The following CWC22 variants were observed in gnomAD, a reference collection of about 807,000 sequenced individuals.
The protein encoded by CWC22 is pre-mRNA-splicing factor CWC22 homolog.
A neutral mutation model predicts 117.2 loss-of-function variants in CWC22; 53 were observed. The observed-to-expected ratio is 0.45, with a 90% CI of 0.36 to 0.57. The LOEUF (loss-of-function observed/expected upper bound fraction) is 0.57. Among genes scored for constraint, CWC22 ranks in the 20% least tolerant of loss-of-function variants. The pLI, the probability that CWC22 is intolerant of heterozygous loss-of-function variation, is 0.00. For missense variants in CWC22, 980 were observed against 1,068.8 expected, an observed-to-expected ratio of 0.92 and a Z score of 1.16; for synonymous variants, 360 against 355.6, an observed-to-expected ratio of 1.01 and a Z score of -0.14.
chr2:179,951,058 AT>A (rs1478160332), intron 17 of CWC22, 132 bp from the exon 18 acceptor site: 2 of 608,184 alleles, frequency 3.3e-6, no homozygotes, highest in African/African-American at 3.7e-5. Context: ...AGTTGATGTC[AT>A]TTATTAGGTT....
In CWC22 at chr2:179,950,723, C is replaced by T; in HGVS notation, c.1929G>A (p.Leu643=). 1 of 1,612,916 alleles carries T rather than the reference C, an allele frequency of 6.2e-7. No individual in the cohort carries two copies. The highest frequency in any genetic ancestry group is 8.5e-7 in the Non-Finnish European group (1 of 1,179,104). ...TTGGTGTATTTTTGAGATGCTCCCG[C>T]AGTTCATCCCTAATTTAAAATATAA... ...SIGLGGLTDE[L]REHLKNTPKV... Residue 643 remains leucine, a synonymous_variant, in exon 19 of 20, where the codon CTG becomes CTA. Transcript: ENST00000410053.
chr2:179,968,142 C>G (rs1237424932), intron 11 of CWC22, among the ~76,000 whole-genome samples: 2 of 152,104 alleles, frequency 1.3e-5, no homozygotes, highest in Admixed American at 6.6e-5. Flanking sequence ...ATGTGCATAA[C>G]TCAGCGAATT....
chr2:179,968,081 A>G (rs1686937233), intron 11 of CWC22, among the ~76,000 whole-genome samples: 1 of 152,224 alleles, frequency 6.6e-6, no homozygotes, highest in Non-Finnish European at 1.5e-5. Context: ...TCTAGGTATT[A>G]TATCAACATG....
chr2:179,997,061 T>A (rs1428319859), intron 1 of CWC22, among the ~76,000 whole-genome samples: 1 of 152,144 alleles, frequency 6.6e-6, no homozygotes, highest in East Asian at 1.9e-4. Context: ...CTGTAAATGA[T>A]AACTTTCTCA....
intron 14 of CWC22, 44 bp downstream of exon 14, chr2:179,958,978 A>T (rs1270451265): frequency 1.6e-6 from 2 of 1,243,292 alleles, no homozygotes; most frequent in Non-Finnish European, 2.3e-6. Flanking sequence ...AAACATTTTT[A>T]AAACCAATAT....
intron 1 of CWC22, among the ~76,000 whole-genome samples, chr2:180,004,826 C>T (rs1343082147): frequency 6.6e-6 from 1 of 151,706 alleles, no homozygotes; most frequent in African/African-American, 2.4e-5. Flanking sequence ...ATTGGAGGTA[C>T]CCTATCCAAA....
chr2:179,981,832 A>C lies in CWC22; in HGVS notation c.372T>G (p.Pro124=), dbSNP rs1687294555. ...ATKKKKDELD[P]LLTRTGGAYI... ...ATGCTCCACCAGTGCGAGTAAGAAG[A>C]GGATCCAGCTCATCTTTCTTTTTCT... The change falls in exon 5 of 20, where the codon CCT becomes CCG. Residue 124 remains proline, a synonymous_variant. Coordinates refer to ENST00000410053, the MANE Select transcript of CWC22 (RefSeq NM_020943.3). The C allele has an allele frequency of 6.2e-7, 1 of 1,613,792 alleles. No homozygotes were observed. Among genetic ancestry groups the C allele is most frequent in the Admixed American group, 1.7e-5 (1 of 59,994 alleles).
intron 1 of CWC22, among the ~76,000 whole-genome samples, chr2:180,004,447 A>G (rs929150230): frequency 6.6e-6 from 1 of 151,720 alleles, no homozygotes; most frequent in Non-Finnish European, 1.5e-5. Flanking sequence ...GCTGGAGTGC[A>G]GTGGAGAGAG....
chr2:179,961,868 A>C (rs1426837259), intron 13 of CWC22, among the ~76,000 whole-genome samples: 2 of 152,128 alleles, frequency 1.3e-5, no homozygotes, highest in Non-Finnish European at 2.9e-5. Context: ...TTGCTAAACC[A>C]AATGAGTTTC....
chr2:179,985,873 T>A (rs528494340), intron 4 of CWC22, among the ~76,000 whole-genome samples: 9 of 152,068 alleles, frequency 5.9e-5, no homozygotes, highest in Admixed American at 2.0e-4. Context: ...CCCACTGGGG[T>A]CCTAGAACAC....
Position 179,965,903 on chromosome 2 carries a change from C to A in CWC22, c.1290G>T (p.Glu430Asp). 10 of 1,574,680 alleles carry A rather than the reference C, an allele frequency of 6.4e-6. No individual in the cohort carries two copies. Among genetic ancestry groups the A allele is most frequent in the Non-Finnish European group, 8.7e-6 (10 of 1,144,426 alleles). ...GSSEEDEEEE[E>D]EEGEEDEEGQ... ...CTTCTTCATCTTCTTCTCCCTCTTC[C>A]TCTTCTTCTTCCTCGTCCTCTTCAC... is the stretch of plus-strand genomic sequence containing the variant. The change falls in exon 12 of 20, where the codon GAG (glutamate) becomes GAT (aspartate). Residue 430 changes from glutamate (E) to aspartate (D), a missense_variant. Coordinates refer to ENST00000410053, the MANE Select transcript of CWC22 (RefSeq NM_020943.3).
At chr2:179,973,579 T>C in intron 7 of CWC22, 55 bp downstream of exon 7, 1 of 1,133,800 alleles carries the variant, frequency 8.8e-7, no homozygotes. Context: ...TTGTTGATAC[T>C]GGTTTGTTAG....
rs1050691097 is a variant in CWC22 at position 179,945,213 on chromosome 2, T to C, written c.2643A>G (p.Lys881=). The part of the protein sequence containing the change: ...YQNGAERRWE[K]SSRYSEQSRE... The stretch of plus-strand genomic sequence containing the variant: ...TGGATTGTTCAGAGTATCTGCTAGA[T>C]TTTTCCCATCGTCTCTCGGCACCAT... The change falls in exon 20 of 20, where the codon AAA becomes AAG. Residue 881 remains lysine (K), a synonymous_variant. Coordinates refer to ENST00000410053, the MANE Select transcript of CWC22 (RefSeq NM_020943.3). The C allele has an allele frequency of 6.2e-7, 1 of 1,613,740 alleles. No homozygotes were observed. The highest frequency in any genetic ancestry group is 1.3e-5 in the African/African-American group (1 of 74,928).
intron 3 of CWC22, 54 bp downstream of exon 3, chr2:179,988,523 A>G (rs1575655355): frequency 2.1e-6 from 2 of 953,836 alleles, no homozygotes; most frequent in Admixed American, 2.6e-5. Context: ...AAATTATTAC[A>G]TAAACCTTAC....
intron 1 of CWC22, among the ~76,000 whole-genome samples, chr2:179,995,559 C>T (rs935746625): frequency 6.6e-6 from 1 of 152,138 alleles, no homozygotes; most frequent in Non-Finnish European, 1.5e-5. Context: ...TTATGTAGCA[C>T]TTCTGAACAA....
At chr2:179,959,171 A>G (rs1686681672) in intron 13 of CWC22, 89 bp from the exon 14 acceptor site, 1 of 804,544 alleles carries the variant, frequency 1.2e-6, no homozygotes, top group African/African-American at 1.7e-5. Flanking sequence ...ATGGTTTTAA[A>G]TCATCTTTTT....
At chr2:180,004,816 A>C (rs1376129294) in intron 1 of CWC22, among the ~76,000 whole-genome samples, 1 of 151,938 alleles carries the variant, frequency 6.6e-6, no homozygotes, top group African/African-American at 2.4e-5. Flanking sequence ...CCAAAAAGTG[A>C]TTGGAGGTAC....
At chr2:179,975,037 G>A (rs1413645295) in intron 6 of CWC22, among the ~76,000 whole-genome samples, 1 of 152,138 alleles carries the variant, frequency 6.6e-6, no homozygotes, top group Non-Finnish European at 1.5e-5. Flanking sequence ...TACAGCGACC[G>A]TGCCTGGCCA....
intron 14 of CWC22, among the ~76,000 whole-genome samples, chr2:179,957,114 CTTAA>C (rs1323548245): frequency 6.6e-6 from 1 of 152,014 alleles, no homozygotes; most frequent in African/African-American, 2.4e-5. Flanking sequence ...TTTATGATGG[CTTAA>C]TTATCTTCCT....
Sources: gnomAD v4.1 joint callset for allele counts (sites outside exome capture counted in the v4.1 genomes callset) on GRCh38, gnomAD v4.1.1 for gene constraint, MANE v1.5 for transcripts, NCBI Gene and HGNC (gene_info 2026-07-23, HGNC 2026-07-21) for gene names.